HERC1: variants seen among roughly 807,000 people sequenced by gnomAD.
HERC1 encodes the protein HECT and RLD domain containing E3 ubiquitin protein ligase family member 1.
In HERC1, 160 loss-of-function variants were observed where a neutral mutation model predicts 554.3. The observed-to-expected ratio is 0.29, with a 90% CI of 0.25 to 0.33. The LOEUF is 0.33. Among genes scored for constraint, HERC1 ranks in the 10% least tolerant of loss-of-function variants. HERC1 has a pLI of 1.00. For synonymous variants in HERC1, 2,175 were observed against 2,131.7 expected (o/e 1.02, Z -0.56); for missense variants, 4,919 against 5,918.5 (o/e 0.83, Z 5.54).
intron 24 of HERC1, 112 bp downstream of exon 24, chr15:63,712,663 G>T: frequency 1.1e-6 from 1 of 916,116 alleles, no homozygotes; most frequent in Non-Finnish European, 1.6e-6. Flanking sequence ...AGTTATTTTT[G>T]AAAAAATTTT....
At chr15:63,778,432 C>T (rs1212189100) in intron 1 of HERC1, among the ~76,000 whole-genome samples, 1 of 151,904 alleles carries the variant, frequency 6.6e-6, no homozygotes, top group Non-Finnish European at 1.5e-5. Flanking sequence ...ACAGCAGGTG[C>T]AATTTAAAAA....
At chr15:63,769,420 CA>C (rs58601053) in intron 2 of HERC1, among the ~76,000 whole-genome samples, 2 of 149,900 alleles carry the variant, frequency 1.3e-5, no homozygotes, top group Non-Finnish European at 3.0e-5. Context: ...ACTCTGTTTC[CA>C]AAAAAAACAG....
Position 63,609,117 on chromosome 15 carries a change from G to A in HERC1, c.14550C>T (p.Asn4850=), listed in dbSNP as rs1171561256. 2.9e-5 allele frequency: 47 copies of A among 1,613,830 alleles called. No homozygotes were observed. The highest frequency in any genetic ancestry group is 9.9e-5 in the South Asian group (9 of 91,048). Residue 4850 remains asparagine (N), a synonymous_variant, in exon 78 of 78, where the codon AAC becomes AAT. Transcript: ENST00000443617. ...IDMDNYMLSR[N]VDNAEGSDTD... is the part of the protein sequence containing the mutation. ...TGTCGGAGCCCTCGGCGTTGTCCAC[G>A]TTTCTCGAGAGCATGTAGTTGTCCA...
At chr15:63,662,257 T>C (rs1289105664) in intron 44 of HERC1, among the ~76,000 whole-genome samples, 1 of 152,110 alleles carries the variant, frequency 6.6e-6, no homozygotes, top group African/African-American at 2.4e-5. Context: ...TAACTGAGTA[T>C]CCTACTGAGA....
At chr15:63,753,239 G>T (rs145611894) in intron 7 of HERC1, among the ~76,000 whole-genome samples, 154 bp from the exon 8 acceptor site, 1 of 152,106 alleles carries the variant, frequency 6.6e-6, no homozygotes, top group Non-Finnish European at 1.5e-5. Context: ...GTTAACAAAC[G>T]AGCATTTTTA....
At chr15:63,615,271 G>C (rs543830434) in intron 76 of HERC1, among the ~76,000 whole-genome samples, 1 of 152,288 alleles carries the variant, frequency 6.6e-6, no homozygotes, top group Non-Finnish European at 1.5e-5. Flanking sequence ...ACTGGGTATG[G>C]AGAAAAAGGC....
intron 12 of HERC1, among the ~76,000 whole-genome samples, chr15:63,745,009 G>C (rs938568855): frequency 1.3e-5 from 2 of 152,150 alleles, no homozygotes; most frequent in African/African-American, 4.8e-5. Context: ...CAAGGCAGTG[G>C]GTTCCCTTCT....
chr15:63,694,216 T>C lies in HERC1; in HGVS notation c.5481-59A>G. 2.6e-6 allele frequency: 4 copies of C among 1,564,026 alleles called. No homozygotes were observed. In the South Asian group the frequency reaches 4.7e-5, roughly 18 times the overall value. Reference sequence around the variant, plus strand: ...ACACACAGAAGGGCAAGCATAGTGCTTAAATACATAAAGCAGATTAGAGGG... The same window carrying C: ...ACACACAGAAGGGCAAGCATAGTGCCTAAATACATAAAGCAGATTAGAGGG... On this transcript the variant is annotated intron_variant, in intron 29 of 77. Transcript: ENST00000443617. The surrounding 1 kb of genome is among the most constrained non-coding windows in gnomAD (Gnocchi z 4.3).
At chr15:63,706,105 T>A (rs375989768) in intron 25 of HERC1, among the ~76,000 whole-genome samples, 2 of 151,264 alleles carry the variant, frequency 1.3e-5, no homozygotes, top group Non-Finnish European at 2.9e-5. Context: ...TTAGTTATCA[T>A]TGGATTTACA....
At chr15:63,609,378 GTT>G in intron 77 of HERC1, 112 bp from the exon 78 acceptor site, 1 of 924,638 alleles carries the variant, frequency 1.1e-6, no homozygotes, top group Non-Finnish European at 1.6e-6. Flanking sequence ...TGGCCACATG[GTT>G]AAGTCAAGTG....
At chr15:63,614,585 TG>T (rs1264914907) in intron 76 of HERC1, among the ~76,000 whole-genome samples, 1 of 152,230 alleles carries the variant, frequency 6.6e-6, no homozygotes, top group Non-Finnish European at 1.5e-5. Flanking sequence ...GTGAGGGGTA[TG>T]GAGTATGTAT....
chr15:63,782,388 A>G (rs1381359639), intron 1 of HERC1, among the ~76,000 whole-genome samples: 1 of 152,238 alleles, frequency 6.6e-6, no homozygotes, highest in Non-Finnish European at 1.5e-5. Context: ...CCTGTGCTCT[A>G]CTAATCCAAC....
At chr15:63,807,780 A>G (rs1208216766) in intron 1 of HERC1, among the ~76,000 whole-genome samples, 1 of 152,092 alleles carries the variant, frequency 6.6e-6, no homozygotes, top group African/African-American at 2.4e-5. Context: ...AGATATGTTC[A>G]ATCCTACCTT....
chr15:63,727,896 G>A lies in HERC1; in HGVS notation c.3155-58C>T. 2.2e-6 allele frequency: 3 copies of A among 1,369,774 alleles called. No individual in the cohort carries two copies. Among genetic ancestry groups the A allele is most frequent in the Non-Finnish European group, 3.1e-6 (3 of 974,246 alleles). 84.9% of individuals were successfully genotyped at this position (1,369,774 alleles called of 1,614,324 possible). On this transcript the variant is annotated intron_variant, in intron 16 of 77. Coordinates refer to ENST00000443617, the MANE Select transcript of HERC1 (RefSeq NM_003922.4). This position sits in a 1 kb window ranked among gnomAD's most constrained non-coding sequence, Gnocchi z 4.3. ...TTGCTTCAAATGAACTTTAAAAAAA[G>A]GAACCTAATAAATATTATTTTAGCT...
chr15:63,678,311 C>G lies in HERC1; in HGVS notation c.6604G>C (p.Asp2202His). 1 of 1,612,970 alleles carries G rather than the reference C, an allele frequency of 6.2e-7. No homozygotes were observed. The highest frequency in any genetic ancestry group is 8.5e-7 in the Non-Finnish European group (1 of 1,179,500). The stretch of plus-strand genomic sequence containing the variant: ...GCTGCTACTGGACTACAAATAGGGT[C>G]TCCTGGAAGTAAGTCTCGGGGTGTG... ...RGTPRDLLPG[D>H]PICSPVAAVL... Residue 2202 changes from aspartate to histidine, a missense_variant, in exon 37 of 78, where the codon GAC (aspartate) becomes CAC (histidine). Coordinates refer to ENST00000443617, the MANE Select transcript of HERC1 (RefSeq NM_003922.4).
chr15:63,638,038 T>C (rs117359339), intron 63 of HERC1, among the ~76,000 whole-genome samples: 2,389 of 152,274 alleles, frequency 0.016, 28 homozygotes, highest in Non-Finnish European at 0.025. Context: ...TTTGGCGCTA[T>C]ATCGTACCAG....
rs2071763328 is a variant in HERC1 at position 63,686,339 on chromosome 15, C to G, written c.6225+20G>C. The G allele has an allele frequency of 6.4e-7, 1 of 1,553,632 alleles. No homozygotes were observed. The highest frequency in any genetic ancestry group is 1.2e-5 in the South Asian group (1 of 82,224). On this transcript the variant is annotated intron_variant, in intron 34 of 77. Coordinates refer to ENST00000443617, the MANE Select transcript of HERC1 (RefSeq NM_003922.4). ...GGACTAAAAGACAAAATGCTAAAAA[C>G]TATTAGATTTTCTACGTACCTTCCA...
chr15:63,643,944 T>C (rs367796952), intron 57 of HERC1, among the ~76,000 whole-genome samples: 2 of 152,264 alleles, frequency 1.3e-5, no homozygotes, highest in South Asian at 2.1e-4. Flanking sequence ...GCTGACTCTA[T>C]ATAAATAGAT....
chr15:63,761,959 G>C (rs1481516321), intron 3 of HERC1, among the ~76,000 whole-genome samples: 1 of 152,158 alleles, frequency 6.6e-6, no homozygotes, highest in African/African-American at 2.4e-5. Flanking sequence ...ACACATCCTA[G>C]CTCTGTCTAC....
Sources: gnomAD v4.1 joint callset for allele counts (sites outside exome capture counted in the v4.1 genomes callset) on GRCh38, gnomAD v4.1.1 for gene constraint, Gnocchi (gnomAD v3.1) non-coding constraint, MANE v1.5 for transcripts, NCBI Gene and HGNC (gene_info 2026-07-23, HGNC 2026-07-21) for gene names.